Variants in SCRG1 observed in about 807,000 individuals in gnomAD.
SCRG1 encodes scrapie-responsive protein 1.
Under a neutral mutation model 7.7 loss-of-function variants are expected in SCRG1, and 3 were observed. That is an observed-to-expected ratio of 0.39 (90% CI 0.18 to 1.01). SCRG1 has a LOEUF of 1.01. Ranked by LOEUF, SCRG1 falls within the 50% of genes least tolerant of loss-of-function variation. SCRG1 has a pLI of 0.36. For synonymous variants in SCRG1, 46 were observed against 41.2 expected, an observed-to-expected ratio of 1.12 and a Z score of -0.44; for missense variants, 110 against 117.2, an observed-to-expected ratio of 0.94 and a Z score of 0.28.
At chr4:173,420,018 A>G in the SCRG1 span, 2 of 663,616 alleles carry the variant, frequency 3.0e-6, no homozygotes, top group African/African-American at 3.6e-5. Context: ...ATTTATTTTT[A>G]TACTGTATCA....
the SCRG1 span, among the ~76,000 whole-genome samples, chr4:173,487,664 A>C: frequency 1.3e-5 from 2 of 152,334 alleles, no homozygotes; most frequent in South Asian, 2.1e-4. Flanking sequence ...GAAATACATT[A>C]GAATTTTTTA....
chr4:173,440,760 C>A, the SCRG1 span, among the ~76,000 whole-genome samples: 1 of 152,108 alleles, frequency 6.6e-6, no homozygotes, highest in Non-Finnish European at 1.5e-5. Context: ...CCACCTTTCC[C>A]CTGAAATCTC....
the SCRG1 span, among the ~76,000 whole-genome samples, chr4:173,511,749 T>A: frequency 9.9e-5 from 15 of 152,122 alleles, no homozygotes; most frequent in Non-Finnish European, 1.6e-4. The surrounding 1 kb of genome is among the most constrained non-coding windows in gnomAD (Gnocchi z 5.2). Context: ...TGAGTGTGTA[T>A]ATATATGTTA....
the SCRG1 span, among the ~76,000 whole-genome samples, chr4:173,503,750 C>G: frequency 6.6e-6 from 1 of 152,124 alleles, no homozygotes; most frequent in Non-Finnish European, 1.5e-5. The surrounding 1 kb of genome is among the most constrained non-coding windows in gnomAD (Gnocchi z 6.4). Flanking sequence ...GCTTTAAGCA[C>G]TTGCCACTCA....
At chr4:173,483,989 T>C in the SCRG1 span, among the ~76,000 whole-genome samples, 43 of 59,642 alleles carry the variant, frequency 7.2e-4, no homozygotes, top group African/African-American at 2.0e-3. Context: ...TAGTATATTA[T>C]ATATGATATA....
At chr4:173,398,390 C>A (rs1367837201) in intron 1 of SCRG1, 1 of 152,188 alleles carries the variant, frequency 6.6e-6, no homozygotes, top group Non-Finnish European at 1.5e-5. Context: ...AGTAAATCAT[C>A]ATCACTGGAG....
the SCRG1 span, among the ~76,000 whole-genome samples, chr4:173,485,774 A>G: frequency 6.6e-6 from 1 of 152,070 alleles, no homozygotes; most frequent in East Asian, 1.9e-4. Context: ...GTTTGAGACC[A>G]GCCTGTTCAA....
chr4:173,391,801 G>C (rs1578961433), intron 1 of SCRG1, among the ~76,000 whole-genome samples: 1 of 152,232 alleles, frequency 6.6e-6, no homozygotes, highest in Non-Finnish European at 1.5e-5. Context: ...GCTGGCATGT[G>C]CCTGTAGTCC....
chr4:173,399,793 T>C (rs1323855640), upstream of SCRG1, among the ~76,000 whole-genome samples: 1 of 152,198 alleles, frequency 6.6e-6, no homozygotes, highest in East Asian at 1.9e-4. Flanking sequence ...AACTGTTGTT[T>C]AGGTTTTTAA....
At chr4:173,415,744 A>G in the SCRG1 span, among the ~76,000 whole-genome samples, 1 of 152,202 alleles carries the variant, frequency 6.6e-6, no homozygotes, top group African/African-American at 2.4e-5. Flanking sequence ...GAACCTTAGA[A>G]GCCTAAAACA....
At chr4:173,503,373 T>C in the SCRG1 span, among the ~76,000 whole-genome samples, 1 of 152,140 alleles carries the variant, frequency 6.6e-6, no homozygotes, top group East Asian at 1.9e-4. The surrounding 1 kb of genome is among the most constrained non-coding windows in gnomAD (Gnocchi z 6.4). Flanking sequence ...GAACTCAAGG[T>C]TCAGACCTTG....
upstream of SCRG1, among the ~76,000 whole-genome samples, chr4:173,400,737 G>A (rs1223981289): frequency 6.6e-6 from 1 of 152,048 alleles, no homozygotes; most frequent in Admixed American, 6.6e-5. Context: ...TTTTATAAAC[G>A]AGGGGAACAT....
At chr4:173,512,643 T>C in the SCRG1 span, among the ~76,000 whole-genome samples, 2 of 152,290 alleles carry the variant, frequency 1.3e-5, no homozygotes, top group East Asian at 3.9e-4. Flanking sequence ...TCACAGAGCA[T>C]CCCAGAGAGC....
the SCRG1 span, among the ~76,000 whole-genome samples, chr4:173,506,116 G>A: frequency 6.6e-6 from 1 of 152,182 alleles, no homozygotes; most frequent in African/African-American, 2.4e-5. This position sits in a 1 kb window ranked among gnomAD's most constrained non-coding sequence, Gnocchi z 5.3. Context: ...ACCCTGGTGT[G>A]GTGAGGCAAG....
At chr4:173,490,919 C>G in the SCRG1 span, among the ~76,000 whole-genome samples, 1 of 152,152 alleles carries the variant, frequency 6.6e-6, no homozygotes, top group African/African-American at 2.4e-5. Context: ...CCTTCTGAAC[C>G]AAGTGTCCCG....
At chr4:173,479,394 T>G in the SCRG1 span, among the ~76,000 whole-genome samples, 1 of 152,122 alleles carries the variant, frequency 6.6e-6, no homozygotes, top group Non-Finnish European at 1.5e-5. Context: ...GTATAATTCC[T>G]TATTAAAATT....
At chr4:173,392,143 G>C (rs1739467079) in intron 1 of SCRG1, among the ~76,000 whole-genome samples, 1 of 149,904 alleles carries the variant, frequency 6.7e-6, no homozygotes, top group African/African-American at 2.4e-5. Context: ...CAAAGTACCT[G>C]GGTCCCATCC....
the SCRG1 span, among the ~76,000 whole-genome samples, chr4:173,509,712 C>T: frequency 2.0e-5 from 3 of 152,076 alleles, no homozygotes; most frequent in Non-Finnish European, 4.4e-5. The surrounding 1 kb of genome is among the most constrained non-coding windows in gnomAD (Gnocchi z 5.7). Context: ...GTGTCCGCGC[C>T]CCTCCCCACC....
chr4:173,392,075 A>G (rs1398664331), intron 1 of SCRG1, among the ~76,000 whole-genome samples: 1 of 152,208 alleles, frequency 6.6e-6, no homozygotes, highest in Non-Finnish European at 1.5e-5. Context: ...AGAACAAATA[A>G]CATAATTGAA....
Sources: allele counts gnomAD v4.1 joint callset (sites outside exome capture counted in the v4.1 genomes callset), GRCh38; gene constraint gnomAD v4.1.1; non-coding constraint Gnocchi (gnomAD v3.1); transcripts MANE v1.5; gene names NCBI Gene and HGNC (gene_info 2026-07-23, HGNC 2026-07-21).